The following TMEM106A variants were observed in gnomAD, a reference collection of about 807,000 sequenced individuals.
TMEM106A encodes the protein transmembrane protein 106A.
A neutral mutation model predicts 25.1 loss-of-function variants in TMEM106A; 22 were observed. The ratio of observed to expected loss-of-function variants is 0.88; its 90% CI spans 0.63 to 1.25. The LOEUF (loss-of-function observed/expected upper bound fraction) is 1.25. Ranked by LOEUF, TMEM106A falls within the 50% of genes most tolerant of loss-of-function variation. The pLI, the probability that TMEM106A is intolerant of heterozygous loss-of-function variation, is 0.00. For synonymous variants in TMEM106A, 104 were observed against 129.9 expected (o/e 0.80, Z 1.35); for missense variants, 275 against 318.1 (o/e 0.86, Z 1.03).
intron 7 of TMEM106A, chr17:43,216,999 GGAA>G (rs1305646654): frequency 6.4e-6 from 4 of 624,302 alleles, no homozygotes; most frequent in East Asian, 5.4e-5. Context: ...GCATTGCTGA[GGAA>G]GAAGAATGTT....
chr17:43,218,039 C>T lies in TMEM106A; in HGVS notation c.*238C>T. 1.8e-6 allele frequency: 1 copy of T among 554,958 alleles called. No individual in the cohort carries two copies. The highest frequency in any genetic ancestry group is 3.0e-6 in the Non-Finnish European group (1 of 329,000). 34.4% of individuals were successfully genotyped at this position (554,958 alleles called of 1,614,324 possible). A position where few individuals can be genotyped will look rare whatever the true frequency, so the allele number is the denominator to read the frequency against. ...TCAGGGGCTGCCATCAGATTCTGCCCTTGGTTAGTTTTTTGTTTTTTTTTT... is the reference window on the plus strand; with the variant it reads ...TCAGGGGCTGCCATCAGATTCTGCCTTTGGTTAGTTTTTTGTTTTTTTTTT... On this transcript the variant is annotated 3_prime_UTR_variant, in exon 9 of 9. Transcript: ENST00000612339.
chr17:43,214,826 G>T (rs2057469484), intron 4 of TMEM106A, among the ~76,000 whole-genome samples: 1 of 152,010 alleles, frequency 6.6e-6, no homozygotes, highest in African/African-American at 2.4e-5. Flanking sequence ...TGGGCGTGGT[G>T]GCAGACACCA....
chr17:43,216,409 G>T (rs1242264103), intron 5 of TMEM106A, 40 bp from the exon 6 acceptor site: 1 of 1,605,260 alleles, frequency 6.2e-7, no homozygotes, highest in East Asian at 2.2e-5. Flanking sequence ...CCTAAGGATG[G>T]GCCATCTTCA....
intron 7 of TMEM106A, 118 bp from the exon 8 acceptor site, chr17:43,217,141 A>G (rs1341232378): frequency 7.0e-5 from 73 of 1,039,914 alleles, no homozygotes; most frequent in Non-Finnish European, 1.1e-4. Context: ...TTTTGGGGGC[A>G]CCTGATGGAA....
intron 7 of TMEM106A, 81 bp downstream of exon 7, chr17:43,216,821 G>A (rs1277441500): frequency 1.8e-5 from 29 of 1,580,388 alleles, no homozygotes; most frequent in Non-Finnish European, 2.4e-5. Context: ...TTTCCTGATT[G>A]CTTAGCAAAT....
At chr17:43,217,592 C>G in intron 8 of TMEM106A, 89 bp from the exon 9 acceptor site, 1 of 1,548,138 alleles carries the variant, frequency 6.5e-7, no homozygotes, top group Non-Finnish European at 8.7e-7. Flanking sequence ...AATGAGGGAG[C>G]TCCCCGCTCC....
intron 4 of TMEM106A, among the ~76,000 whole-genome samples, chr17:43,214,970 A>C (rs539251904): frequency 2.5e-3 from 380 of 149,272 alleles, no homozygotes; most frequent in African/African-American, 8.7e-3. Context: ...AAAAAAAAAA[A>C]AAAACAAAAA....
intron 3 of TMEM106A, 126 bp downstream of exon 3, chr17:43,213,378 G>C (rs2057454952): frequency 1.0e-6 from 1 of 993,686 alleles, no homozygotes; most frequent in African/African-American, 1.6e-5. Flanking sequence ...TGACCTCCCA[G>C]TCTCAGGCTG....
chr17:43,218,205 C>G lies in TMEM106A; in HGVS notation c.*404C>G, dbSNP rs1409227156. ...CTGGTCTTTCTTGAGGAAAATCTGA[C>G]CTGGCATTTTCTTGAGGCACCTTAG... On this transcript the variant is annotated 3_prime_UTR_variant, in exon 9 of 9. Transcript: ENST00000612339. The G allele has an allele frequency of 1.0e-5, 2 of 199,000 alleles. No homozygotes were observed. The highest frequency in any genetic ancestry group is 2.0e-5 in the Non-Finnish European group (2 of 97,704). 12.3% of individuals were successfully genotyped at this position (199,000 alleles called of 1,614,324 possible).
chr17:43,216,629 G>A, intron 6 of TMEM106A, 40 bp downstream of exon 6: 1 of 1,614,196 alleles, frequency 6.2e-7, no homozygotes, highest in Non-Finnish European at 8.5e-7. Flanking sequence ...CCACTGGTGT[G>A]TGGATGTGTG....
intron 3 of TMEM106A, 148 bp downstream of exon 3, chr17:43,213,400 A>C: frequency 2.4e-6 from 2 of 818,846 alleles, no homozygotes; most frequent in Non-Finnish European, 3.8e-6. Context: ...CCAGGGAGAT[A>C]CTTAACTATC....
rs138846501 is a variant in TMEM106A, at chr17:43,216,508, C to T, written c.489C>T (p.Leu163=). The change falls in exon 6 of 9, where the codon CTC becomes CTT. Residue 163 remains leucine (L), a synonymous_variant. Transcript: ENST00000612339. ...YYPIMVTQLT[L]EVLHLSLVVG... The stretch of plus-strand genomic sequence containing the variant: ...CCATTATGGTGACACAGCTGACCCT[C>T]GAGGTTCTGCACCTGTCCCTCGTGG... 17 of 1,614,232 alleles carry T rather than the reference C, an allele frequency of 1.1e-5. No homozygotes were observed. Among genetic ancestry groups the T allele is most frequent in the Middle Eastern group, 1.6e-4 (1 of 6,062 alleles).
At chr17:43,217,140 C>T (rs2057494033) in intron 7 of TMEM106A, 119 bp from the exon 8 acceptor site, 2 of 1,021,788 alleles carry the variant, frequency 2.0e-6, no homozygotes, top group Non-Finnish European at 3.1e-6. Context: ...ATTTTGGGGG[C>T]ACCTGATGGA....
chr17:43,216,124 T>C, intron 5 of TMEM106A, 183 bp downstream of exon 5: 2 of 780,336 alleles, frequency 2.6e-6, no homozygotes, highest in Non-Finnish European at 4.0e-6. Context: ...ATTGGGACTC[T>C]ACACAGTAAG....
chr17:43,213,946 C>T, intron 4 of TMEM106A, 55 bp downstream of exon 4: 2 of 1,562,880 alleles, frequency 1.3e-6, no homozygotes, highest in African/African-American at 1.4e-5. Context: ...GGGGCTGCTC[C>T]CTTTGTCTCC....
Position 43,213,178 on chromosome 17 carries a change from T to C in TMEM106A, c.137T>C (p.Val46Ala). Reference protein sequence around the residue: ...TGSSKSFCSCVPCEGTADASF... With the variant: ...TGSSKSFCSCAPCEGTADASF... ...AGCAGCAAGTCTTTTTGTTCCTGTG[T>C]GCCTTGTGAAGGAACTGCTGATGCC... The change falls in exon 3 of 9, where the codon GTG (valine) becomes GCG (alanine). Residue 46 changes from valine (V) to alanine (A), a missense_variant. Coordinates refer to ENST00000612339, the MANE Select transcript of TMEM106A (RefSeq NM_145041.4). 1.2e-6 allele frequency: 2 copies of C among 1,614,210 alleles called. No homozygotes were observed. The highest frequency in any genetic ancestry group is 2.2e-5 in the South Asian group (2 of 91,074).
At chr17:43,212,503 G>T in intron 2 of TMEM106A, 109 bp downstream of exon 2, 1 of 154,452 alleles carries the variant, frequency 6.5e-6, no homozygotes, top group Non-Finnish European at 1.4e-5. Context: ...GTGAAAGACA[G>T]ACCCTGGTAT....
At chr17:43,216,137 G>A in intron 5 of TMEM106A, 196 bp downstream of exon 5, 1 of 731,768 alleles carries the variant, frequency 1.4e-6, no homozygotes, top group South Asian at 1.9e-5. Flanking sequence ...ACAGTAAGGG[G>A]TCAGAATCCG....
chr17:43,214,503 G>A (rs1177705450), intron 4 of TMEM106A, among the ~76,000 whole-genome samples: 1 of 152,086 alleles, frequency 6.6e-6, no homozygotes, highest in Non-Finnish European at 1.5e-5. Context: ...CCTATTGTCC[G>A]CTGTTCTGGG....
Sources: allele counts gnomAD v4.1 joint callset (sites outside exome capture counted in the v4.1 genomes callset), GRCh38; gene constraint gnomAD v4.1.1; transcripts MANE v1.5; gene names NCBI Gene and HGNC (gene_info 2026-07-23, HGNC 2026-07-21).